RGS7: variants seen among roughly 807,000 people sequenced by gnomAD.
RGS7 encodes regulator of G protein signaling 7.
A neutral mutation model predicts 81.1 loss-of-function variants in RGS7; 27 were observed. The ratio of observed to expected loss-of-function variants is 0.33; its 90% CI spans 0.25 to 0.46. The LOEUF is 0.46. Ranked by LOEUF, RGS7 falls within the 20% of genes least tolerant of loss-of-function variation. RGS7 has a pLI of 1.00. For missense variants in RGS7, 396 were observed against 607.4 expected, an observed-to-expected ratio of 0.65 and a Z score of 3.66; for synonymous variants, 208 against 207.7, an observed-to-expected ratio of 1.00 and a Z score of -0.01.
chr1:241,220,560 G>A (rs1286108169), intron 2 of RGS7, among the ~76,000 whole-genome samples: 2 of 151,912 alleles, frequency 1.3e-5, no homozygotes, highest in African/African-American at 4.8e-5. Context: ...AAAATACTGG[G>A]AAAGAAATCC....
chr1:241,131,020 C>T (rs898689400), intron 2 of RGS7, among the ~76,000 whole-genome samples: 1 of 150,972 alleles, frequency 6.6e-6, no homozygotes, highest in African/African-American at 2.4e-5. Flanking sequence ...TAGAAAGCCA[C>T]ATTAACTTTG....
chr1:240,895,510 T>G (rs932148914), intron 6 of RGS7, among the ~76,000 whole-genome samples: 2 of 152,116 alleles, frequency 1.3e-5, no homozygotes, highest in Non-Finnish European at 1.5e-5. Flanking sequence ...ATTGTTCAAT[T>G]CCCACCTATG....
chr1:241,068,771 G>A (rs564102846), intron 3 of RGS7, among the ~76,000 whole-genome samples: 5 of 152,278 alleles, frequency 3.3e-5, no homozygotes, highest in South Asian at 2.1e-4. Flanking sequence ...ATATAGTTTG[G>A]ATGTTGTCCC....
chr1:241,070,683 G>A (rs2062384424), intron 3 of RGS7, among the ~76,000 whole-genome samples: 1 of 152,176 alleles, frequency 6.6e-6, no homozygotes, highest in African/African-American at 2.4e-5. Context: ...CCCAGAGACA[G>A]TGCAGGGAGG....
chr1:240,886,366 C>T (rs1281408172), intron 6 of RGS7, among the ~76,000 whole-genome samples: 1 of 152,216 alleles, frequency 6.6e-6, no homozygotes, highest in Non-Finnish European at 1.5e-5. Context: ...TCATTCAAAT[C>T]TGTGCTCATT....
At chr1:241,238,754 G>A (rs921381739) in intron 2 of RGS7, among the ~76,000 whole-genome samples, 2 of 151,628 alleles carry the variant, frequency 1.3e-5, no homozygotes, top group Non-Finnish European at 1.5e-5. Flanking sequence ...TGAATGATCC[G>A]GGAAGAAACA....
intron 6 of RGS7, among the ~76,000 whole-genome samples, chr1:240,893,836 G>C (rs1326955035): frequency 6.6e-6 from 1 of 152,132 alleles, no homozygotes; most frequent in Non-Finnish European, 1.5e-5. Context: ...TTATTGTTAT[G>C]TGTCATTTTA....
At chr1:241,296,516 T>C (rs1375986127) in intron 2 of RGS7, among the ~76,000 whole-genome samples, 1 of 152,256 alleles carries the variant, frequency 6.6e-6, no homozygotes, top group Admixed American at 6.5e-5. Context: ...GACACTTTCC[T>C]GTGGGAACTA....
At chr1:241,111,283 T>G (rs893643590) in intron 2 of RGS7, among the ~76,000 whole-genome samples, 2 of 152,210 alleles carry the variant, frequency 1.3e-5, no homozygotes, top group African/African-American at 2.4e-5. Flanking sequence ...TCATTCAAGC[T>G]CAAAAGAAGC....
chr1:240,829,425 GT>G (rs1004199468), intron 9 of RGS7, among the ~76,000 whole-genome samples: 21 of 152,162 alleles, frequency 1.4e-4, no homozygotes, highest in African/African-American at 4.6e-4. Flanking sequence ...CTAAGCATTT[GT>G]TTTTTAAAAA....
chr1:240,974,908 A>G (rs890621767), intron 4 of RGS7, among the ~76,000 whole-genome samples: 20 of 140,498 alleles, frequency 1.4e-4, no homozygotes, highest in Admixed American at 7.0e-4. Flanking sequence ...AGAGGAAGGG[A>G]AAAAAAAAAA....
At chr1:240,791,239 G>T (rs1685954348) in intron 18 of RGS7, among the ~76,000 whole-genome samples, 1 of 152,118 alleles carries the variant, frequency 6.6e-6, no homozygotes, top group African/African-American at 2.4e-5. Flanking sequence ...GTGTATTTAG[G>T]ATTGTCCAAT....
intron 3 of RGS7, among the ~76,000 whole-genome samples, chr1:241,038,634 A>G (rs2459950): frequency 0.63 from 95,728 of 151,994 alleles, 31,562 homozygotes; most frequent in East Asian, 0.96. Context: ...AAAGCAGTTG[A>G]CTTCTTGAAC....
At chr1:241,033,778 C>G (rs2060201547) in intron 3 of RGS7, among the ~76,000 whole-genome samples, 1 of 152,058 alleles carries the variant, frequency 6.6e-6, no homozygotes, top group African/African-American at 2.4e-5. Flanking sequence ...AATCCTTAAT[C>G]TAGAGCACAT....
chr1:241,120,637 C>T (rs565361204), intron 2 of RGS7, among the ~76,000 whole-genome samples: 3 of 152,208 alleles, frequency 2.0e-5, no homozygotes, highest in African/African-American at 4.8e-5. Flanking sequence ...TGAGCCACCG[C>T]GCCTGGCCTA....
At chr1:241,098,421 T>G (rs2064455846) in intron 3 of RGS7, among the ~76,000 whole-genome samples, 1 of 152,272 alleles carries the variant, frequency 6.6e-6, no homozygotes, top group South Asian at 2.1e-4. Flanking sequence ...ATTTTAATAT[T>G]GTTTTACTTC....
chr1:241,327,094 GAA>G lies in RGS7; in HGVS notation c.78+28603_78+28604del, dbSNP rs369891280. ...GAAGGAAGGAAGAGAAAGAAAGAAA[GAA>G]AGAAAGAAAGAAAGAAAGAAAGAAA... On this transcript the variant is annotated intron_variant, in intron 2 of 18. Transcript: ENST00000440928. 2.4e-3 allele frequency among the ~76,000 whole-genome samples: 149 copies of G among 61,296 alleles called. 6 individuals carry two copies. Among genetic ancestry groups the G allele is most frequent in the African/African-American group, 4.0e-3 (56 of 13,970 alleles). 40.2% of individuals were successfully genotyped at this position (61,296 alleles called of 152,430 possible). A position where few individuals can be genotyped will look rare whatever the true frequency, so the allele number is the denominator to read the frequency against.
chr1:241,159,116 TC>T (rs1278315724), intron 2 of RGS7, among the ~76,000 whole-genome samples: 1 of 152,240 alleles, frequency 6.6e-6, no homozygotes, highest in African/African-American at 2.4e-5. Context: ...ATGTTTTTTA[TC>T]TTTTACATTG....
chr1:241,338,742 T>C (rs960568974), intron 2 of RGS7, among the ~76,000 whole-genome samples: 1 of 149,710 alleles, frequency 6.7e-6, no homozygotes, highest in Admixed American at 6.7e-5. Context: ...TTATATCTTA[T>C]ATATTAAATA....
Sources: allele counts gnomAD v4.1 joint callset (sites outside exome capture counted in the v4.1 genomes callset), GRCh38; gene constraint gnomAD v4.1.1; transcripts MANE v1.5; gene names NCBI Gene and HGNC (gene_info 2026-07-23, HGNC 2026-07-21).